CDH19: variants seen among roughly 807,000 people sequenced by gnomAD.
The protein encoded by CDH19 is cadherin 19, also known as cadherin-19.
In CDH19, 67 loss-of-function variants were observed where a neutral mutation model predicts 64.2. The ratio of observed to expected loss-of-function variants is 1.04; its 90% CI spans 0.86 to 1.28. The LOEUF is 1.28. CDH19 is among the 50% of genes most tolerant of loss of function. The probability of loss-of-function intolerance (pLI) is 0.00; values close to 1 mark genes in which losing one functional copy is unlikely to be tolerated. For synonymous variants in CDH19, 346 were observed against 319.3 expected, an observed-to-expected ratio of 1.08 and a Z score of -0.89; for missense variants, 1,030 against 929.0, an observed-to-expected ratio of 1.11 and a Z score of -1.41.
At position 66,504,837 on chromosome 18, in the gene CDH19, C is replaced by A. The variant is rs200967538; in HGVS notation, c.2294G>T (p.Gly765Val). The change falls in exon 12 of 12, where the codon GGT becomes GTT. Residue 765 changes from glycine (G) to valine (V), a missense_variant. Gly to Val is a moderately radical substitution (Grantham distance 109). Coordinates refer to ENST00000262150, the MANE Select transcript of CDH19 (RefSeq NM_021153.4). ...PRFKRLACMF[G>V]SAVQSNN ...CTAATTATTTGACTGCACTGCAGAACCAAACATGCATGCTAATCTTTTAAA... is the reference window on the plus strand; with the variant it reads ...CTAATTATTTGACTGCACTGCAGAAACAAACATGCATGCTAATCTTTTAAA... 6.2e-7 allele frequency: 1 copy of A among 1,604,916 alleles called. No homozygotes were observed. Among genetic ancestry groups the A allele is most frequent in the Admixed American group, 1.7e-5 (1 of 59,670 alleles).
intron 9 of CDH19, among the ~76,000 whole-genome samples, chr18:66,513,797 G>A (rs1188050136): frequency 1.3e-5 from 2 of 151,380 alleles, no homozygotes; most frequent in African/African-American, 4.8e-5. Context: ...TTGAGAGATT[G>A]GGAAAAGAGA....
At chr18:66,527,936 G>T (rs964382563) in intron 9 of CDH19, among the ~76,000 whole-genome samples, 12 of 151,238 alleles carry the variant, frequency 7.9e-5, no homozygotes, top group Admixed American at 1.3e-4. Flanking sequence ...TGAAATGAAT[G>T]AAATAATTTA....
chr18:66,554,638 A>G (rs1987454927), intron 3 of CDH19, 114 bp from the exon 4 acceptor site: 4 of 728,836 alleles, frequency 5.5e-6, no homozygotes, highest in Non-Finnish European at 8.5e-6. Context: ...TGAAAGCTCA[A>G]TTCACCTCCT....
chr18:66,590,557 T>C (rs1042759249), intron 1 of CDH19, among the ~76,000 whole-genome samples: 3 of 151,510 alleles, frequency 2.0e-5, no homozygotes, highest in African/African-American at 7.3e-5. Flanking sequence ...CATGTAGAAG[T>C]TGGTTAACAC....
intron 7 of CDH19, among the ~76,000 whole-genome samples, chr18:66,536,785 C>A (rs1251650502): frequency 1.3e-5 from 2 of 151,716 alleles, no homozygotes; most frequent in Admixed American, 6.6e-5. Context: ...CTTCACTGGA[C>A]AAAATTTGTT....
chr18:66,538,064 T>C (rs1371852479), intron 7 of CDH19, among the ~76,000 whole-genome samples: 1 of 152,064 alleles, frequency 6.6e-6, no homozygotes, highest in Non-Finnish European at 1.5e-5. Context: ...ACTTATGTGT[T>C]CAATCCCAAT....
chr18:66,517,200 T>C (rs1296374720), intron 9 of CDH19, among the ~76,000 whole-genome samples: 1 of 151,938 alleles, frequency 6.6e-6, no homozygotes, highest in Non-Finnish European at 1.5e-5. Flanking sequence ...CAGGAAACTT[T>C]TGGACACAAA....
At chr18:66,521,534 T>TATTTATTTATTTA in intron 9 of CDH19, among the ~76,000 whole-genome samples, 1 of 81,580 alleles carries the variant, frequency 1.2e-5, no homozygotes, top group South Asian at 4.6e-4. Context: ...TTTGTTTGTT[T>TATTTATTTATTTA]GTTTGTTTGT....
At chr18:66,597,068 C>T (rs1195947399) in intron 1 of CDH19, among the ~76,000 whole-genome samples, 5 of 87,518 alleles carry the variant, frequency 5.7e-5, no homozygotes, top group East Asian at 6.7e-4. Context: ...GGCGACAGAG[C>T]GAGACTCCAT....
At chr18:66,564,998 G>A (rs530460328) in intron 3 of CDH19, among the ~76,000 whole-genome samples, 19 of 151,590 alleles carry the variant, frequency 1.3e-4, no homozygotes, top group East Asian at 3.9e-4. Context: ...CACATCTCCC[G>A]AAATCTTCTA....
chr18:66,507,077 G>T (rs1468334589), intron 11 of CDH19, among the ~76,000 whole-genome samples: 1 of 151,874 alleles, frequency 6.6e-6, no homozygotes. Flanking sequence ...TTACAAAGCT[G>T]CCCCTTGTTT....
rs1170395654 is a variant in CDH19, at chr18:66,501,886, C to T, written c.*2926G>A. 2 of 152,044 alleles carry T rather than the reference C, an allele frequency of 1.3e-5. No homozygotes were observed. Among genetic ancestry groups the T allele is most frequent in the Non-Finnish European group, 2.9e-5 (2 of 68,014 alleles). The allele number at this position is 152,044 out of a possible 1,614,324, so 9.4% of individuals were successfully genotyped here. A position where few individuals can be genotyped will look rare whatever the true frequency, so the allele number is the denominator to read the frequency against. On this transcript the variant is annotated 3_prime_UTR_variant, in exon 12 of 12. Transcript: ENST00000262150. ...AACAAAGATCTGTTAGGCTCAAGCA[C>T]ATGCACTGAGGGAACAACTAGCAGT...
At chr18:66,594,141 C>T (rs920766341) in intron 1 of CDH19, among the ~76,000 whole-genome samples, 3 of 151,984 alleles carry the variant, frequency 2.0e-5, no homozygotes, top group African/African-American at 7.2e-5. Flanking sequence ...TCAGACAAAA[C>T]AGACAACTAT....
chr18:66,515,234 C>T (rs1261996946), intron 9 of CDH19, among the ~76,000 whole-genome samples: 2 of 151,614 alleles, frequency 1.3e-5, no homozygotes, highest in East Asian at 3.9e-4. Context: ...GGTAGGTATA[C>T]CTTGTATTAG....
At chr18:66,576,257 A>C (rs1599029474) in intron 1 of CDH19, among the ~76,000 whole-genome samples, 1 of 151,620 alleles carries the variant, frequency 6.6e-6, no homozygotes, top group Admixed American at 6.6e-5. Flanking sequence ...GAGGATTATT[A>C]GATTTTTAAA....
intron 3 of CDH19, among the ~76,000 whole-genome samples, chr18:66,561,351 C>A (rs1326191578): frequency 6.6e-6 from 1 of 152,058 alleles, no homozygotes; most frequent in African/African-American, 2.4e-5. Flanking sequence ...GTCACTCAAT[C>A]TACCTTAAAA....
intron 9 of CDH19, among the ~76,000 whole-genome samples, chr18:66,515,850 T>C (rs1483710388): frequency 6.6e-6 from 1 of 151,824 alleles, no homozygotes; most frequent in Non-Finnish European, 1.5e-5. Context: ...TTAAAATGTA[T>C]TTCATTAGTA....
intron 7 of CDH19, among the ~76,000 whole-genome samples, chr18:66,538,104 A>T (rs2144457550): frequency 6.6e-6 from 1 of 152,172 alleles, no homozygotes. Context: ...GCAATCCCTA[A>T]ATAGTATCCA....
chr18:66,567,249 G>T (rs1397356147), intron 3 of CDH19, among the ~76,000 whole-genome samples: 1 of 151,580 alleles, frequency 6.6e-6, no homozygotes, highest in African/African-American at 2.4e-5. Flanking sequence ...GCAAGAAGAA[G>T]AAGAAGCAGT....
Sources: allele counts gnomAD v4.1 joint callset (sites outside exome capture counted in the v4.1 genomes callset), GRCh38; gene constraint gnomAD v4.1.1; transcripts MANE v1.5; gene names NCBI Gene and HGNC (gene_info 2026-07-23, HGNC 2026-07-21).